PRORP: variants seen among roughly 807,000 people sequenced by gnomAD.
PRORP encodes the protein mitochondrial ribonuclease P catalytic subunit.
In PRORP, 51 loss-of-function variants were observed where a neutral mutation model predicts 59.4. The ratio of observed to expected loss-of-function variants is 0.86; its 90% CI spans 0.69 to 1.08. The LOEUF (loss-of-function observed/expected upper bound fraction) is 1.08, where lower values mean the gene tolerates loss of function less well. Among genes scored for constraint, PRORP ranks in the 50% least tolerant of loss-of-function variants. PRORP has a pLI of 0.00. For missense variants in PRORP, 646 were observed against 690.3 expected, an observed-to-expected ratio of 0.94 and a Z score of 0.72; for synonymous variants, 231 against 245.6, an observed-to-expected ratio of 0.94 and a Z score of 0.55.
Position 35,180,698 on chromosome 14 carries a change from A to T in PRORP, c.1196A>T (p.Lys399Ile). 6.2e-7 allele frequency: 1 copy of T among 1,612,250 alleles called. No homozygotes were observed. Among genetic ancestry groups the T allele is most frequent in the Non-Finnish European group, 8.5e-7 (1 of 1,178,762 alleles). The stretch of plus-strand genomic sequence containing the variant: ...CTTAAGAGATTTGAGAACTTCATAA[A>T]ATCTCGTCCTCCTTTTGATGTTGTC... ...QELKRFENFI[K>I]SRPPFDVVID... Residue 399 changes from lysine (K) to isoleucine (I), a missense_variant, in exon 5 of 8, where the codon AAA (lysine) becomes ATA (isoleucine). Physicochemically the swap from Lys to Ile is moderately radical, Grantham distance 102. Transcript: ENST00000534898.
chr14:35,242,585 C>CACAT (rs1293280102), intron 5 of PRORP, among the ~76,000 whole-genome samples: 1 of 152,134 alleles, frequency 6.6e-6, no homozygotes, highest in Non-Finnish European at 1.5e-5. Context: ...CTATTTTCAG[C>CACAT]ACATACATAC....
chr14:35,229,287 C>T (rs1005699176), intron 5 of PRORP, among the ~76,000 whole-genome samples: 3 of 152,078 alleles, frequency 2.0e-5, no homozygotes, highest in African/African-American at 7.2e-5. Context: ...TGCAGAAGCT[C>T]TTTAGTTTAA....
intron 5 of PRORP, among the ~76,000 whole-genome samples, chr14:35,194,410 A>C (rs1204019937): frequency 6.6e-6 from 1 of 152,184 alleles, no homozygotes; most frequent in African/African-American, 2.4e-5. Flanking sequence ...GGAAACCATC[A>C]TTCTCAGCAA....
At chr14:35,126,612 T>C (rs2047104487) in intron 2 of PRORP, 123 bp from the exon 3 acceptor site, 1 of 666,760 alleles carries the variant, frequency 1.5e-6, no homozygotes, top group Non-Finnish European at 2.5e-6. Context: ...ATTAAACCAT[T>C]CTACAGAAGT....
At chr14:35,263,091 A>G in intron 5 of PRORP, 4 of 1,208,702 alleles carry the variant, frequency 3.3e-6, no homozygotes, top group Non-Finnish European at 4.8e-6. Flanking sequence ...CCTAAGACCT[A>G]TTTGTGATGT....
chr14:35,147,597 A>G (rs1456075299), intron 4 of PRORP, among the ~76,000 whole-genome samples: 1 of 152,192 alleles, frequency 6.6e-6, no homozygotes, highest in African/African-American at 2.4e-5. Flanking sequence ...CACCCACCTC[A>G]GCCTCCCAAC....
At chr14:35,224,749 A>T (rs879516085) in intron 5 of PRORP, among the ~76,000 whole-genome samples, 24 of 152,228 alleles carry the variant, frequency 1.6e-4, no homozygotes, top group Non-Finnish European at 3.1e-4. Flanking sequence ...CTTAGTTATA[A>T]CTTGGCCAAA....
chr14:35,174,654 G>A (rs748622465), intron 4 of PRORP, among the ~76,000 whole-genome samples: 2 of 151,960 alleles, frequency 1.3e-5, no homozygotes, highest in Non-Finnish European at 2.9e-5. Flanking sequence ...CTTTCAGCAC[G>A]GTTGTACTGG....
chr14:35,129,687 G>A (rs2047188642), intron 4 of PRORP, among the ~76,000 whole-genome samples: 1 of 151,794 alleles, frequency 6.6e-6, no homozygotes, highest in Non-Finnish European at 1.5e-5. Flanking sequence ...CACCATGTTG[G>A]TCAGGCTGGC....
intron 5 of PRORP, among the ~76,000 whole-genome samples, chr14:35,251,811 C>T (rs1054751360): frequency 6.6e-6 from 1 of 152,144 alleles, no homozygotes; most frequent in African/African-American, 2.4e-5. Flanking sequence ...ACCTCGGCCT[C>T]CCAAAGTGCT....
At chr14:35,186,840 G>A (rs183978805) in intron 5 of PRORP, among the ~76,000 whole-genome samples, 1 of 152,060 alleles carries the variant, frequency 6.6e-6, no homozygotes, top group Non-Finnish European at 1.5e-5. Context: ...CTGGCCTCAG[G>A]CAGTCCTCCC....
At chr14:35,218,176 A>G (rs2049654970) in intron 5 of PRORP, among the ~76,000 whole-genome samples, 1 of 152,134 alleles carries the variant, frequency 6.6e-6, no homozygotes, top group Admixed American at 6.6e-5. Context: ...GAAACACAAT[A>G]GAGCTGGGCA....
At chr14:35,255,331 T>C (rs1029004495) in intron 5 of PRORP, among the ~76,000 whole-genome samples, 3 of 152,042 alleles carry the variant, frequency 2.0e-5, no homozygotes, top group Admixed American at 2.0e-4. Flanking sequence ...GGTTTCACCA[T>C]GTTGGTCAGG....
intron 4 of PRORP, among the ~76,000 whole-genome samples, chr14:35,134,543 T>C (rs1296240458): frequency 6.6e-6 from 1 of 152,170 alleles, no homozygotes; most frequent in African/African-American, 2.4e-5. Context: ...TTCAAGGCAG[T>C]GAGTTCCCTT....
At chr14:35,223,342 A>G (rs1303308859) in intron 5 of PRORP, among the ~76,000 whole-genome samples, 1 of 151,788 alleles carries the variant, frequency 6.6e-6, no homozygotes, top group Non-Finnish European at 1.5e-5. Flanking sequence ...GGAAATCATC[A>G]CTATATCAAC....
At chr14:35,231,418 A>G (rs1436403278) in intron 5 of PRORP, among the ~76,000 whole-genome samples, 1 of 152,176 alleles carries the variant, frequency 6.6e-6, no homozygotes, top group African/African-American at 2.4e-5. Flanking sequence ...GGTTCCTCCC[A>G]CAAAAGCCAA....
At chr14:35,122,045 C>T (rs1324298538), upstream of PRORP, 4 of 1,500,430 alleles carry the variant, frequency 2.7e-6, no homozygotes, top group African/African-American at 1.4e-5. Context: ...CCGCCAGGCC[C>T]CGTAAAGGTT....
intron 4 of PRORP, among the ~76,000 whole-genome samples, chr14:35,174,729 G>A (rs1211192120): frequency 7.7e-6 from 1 of 129,124 alleles, no homozygotes; most frequent in African/African-American, 3.0e-5. Flanking sequence ...GATTTTGACA[G>A]TTCATTCTTC....
chr14:35,270,595 A>G lies in PRORP; in HGVS notation c.1619A>G (p.Gln540Arg). 1.9e-6 allele frequency: 3 copies of G among 1,613,222 alleles called. No individual in the cohort carries two copies. The highest frequency in any genetic ancestry group is 2.5e-6 in the Non-Finnish European group (3 of 1,179,150). ...TTTCCAGGATCAAAACTAACCTTTC[A>G]GGTAATGGTACCTGTTCTTTATGTA... ...NRFPGSKLTF[Q>R]RILSYDTVVQ... The change falls in exon 7 of 8, where the codon CAG (glutamine) becomes CGG (arginine). Residue 540 changes from glutamine (Q) to arginine (R), a missense_variant and splice_region_variant. Physicochemically the swap from Gln to Arg is conservative, Grantham distance 43. Coordinates refer to ENST00000534898, the MANE Select transcript of PRORP (RefSeq NM_014672.4).
Sources: allele counts gnomAD v4.1 joint callset (sites outside exome capture counted in the v4.1 genomes callset), GRCh38; gene constraint gnomAD v4.1.1; transcripts MANE v1.5; gene names NCBI Gene and HGNC (gene_info 2026-07-23, HGNC 2026-07-21).